PIK3C3: variants seen among roughly 807,000 people sequenced by gnomAD.
The protein encoded by PIK3C3 is phosphatidylinositol 3-kinase catalytic subunit type 3.
In PIK3C3, 95 loss-of-function variants were observed where a neutral mutation model predicts 126.1. The observed-to-expected ratio is 0.75, with a 90% CI of 0.64 to 0.89. PIK3C3 has a LOEUF of 0.89. Ranked by LOEUF, PIK3C3 falls within the 40% of genes least tolerant of loss-of-function variation. The pLI is 0.00. For missense variants in PIK3C3, 829 were observed against 1,063.2 expected, an observed-to-expected ratio of 0.78 and a Z score of 3.06; for synonymous variants, 374 against 360.0, an observed-to-expected ratio of 1.04 and a Z score of -0.44.
At chr18:42,021,360 G>A (rs1371634054) in intron 13 of PIK3C3, among the ~76,000 whole-genome samples, 4 of 152,162 alleles carry the variant, frequency 2.6e-5, no homozygotes, top group Non-Finnish European at 4.4e-5. Flanking sequence ...TTAATATGAA[G>A]CGTGGTGCCC....
intron 24 of PIK3C3, among the ~76,000 whole-genome samples, chr18:42,076,431 A>G (rs1387900794): frequency 1.3e-5 from 2 of 151,996 alleles, no homozygotes; most frequent in Admixed American, 6.6e-5. Context: ...AGTGTGATAT[A>G]TAAAGGAGTC....
chr18:42,065,518 A>G (rs1437071912), intron 23 of PIK3C3, among the ~76,000 whole-genome samples: 27 of 152,236 alleles, frequency 1.8e-4, no homozygotes, highest in Admixed American at 1.0e-3. Context: ...GAAGTCAGTA[A>G]ACTTAAAGAT....
At chr18:42,070,313 T>C (rs1255922583) in intron 24 of PIK3C3, among the ~76,000 whole-genome samples, 1 of 152,220 alleles carries the variant, frequency 6.6e-6, no homozygotes. Flanking sequence ...AGTAGCATTT[T>C]TGAAGATTTC....
chr18:42,058,731 C>G (rs1386487590), intron 22 of PIK3C3, among the ~76,000 whole-genome samples: 2 of 152,164 alleles, frequency 1.3e-5, no homozygotes, highest in Non-Finnish European at 2.9e-5. Flanking sequence ...GACTGACTAT[C>G]ATATGTCATC....
chr18:42,067,360 T>C, intron 23 of PIK3C3, 28 bp from the exon 24 acceptor site: 1 of 1,610,168 alleles, frequency 6.2e-7, no homozygotes. Flanking sequence ...TTTTCTTCGT[T>C]GTAAAGACTA....
chr18:42,038,838 A>C lies in PIK3C3; in HGVS notation c.2026A>C (p.Ser676Arg). The change falls in exon 18 of 25, where the codon AGT becomes CGT. Residue 676 changes from serine to arginine, a missense_variant. This residue lies in a region of PIK3C3 where 196 missense variants were observed against 312.8 expected (regional missense o/e 0.63). Transcript: ENST00000262039. ...KLTPYKVLAT[S>R]TKHGFMQFIQ... is the part of the protein sequence containing the mutation. Reference sequence around the variant, plus strand: ...GACACCTTATAAGGTGTTAGCCACCAGTACAAAACATGGTAAGTGTATTTT... The same window carrying C: ...GACACCTTATAAGGTGTTAGCCACCCGTACAAAACATGGTAAGTGTATTTT... 1 of 1,589,376 alleles carries C rather than the reference A, an allele frequency of 6.3e-7. No individual in the cohort carries two copies. Among genetic ancestry groups the C allele is most frequent in the Non-Finnish European group, 8.6e-7 (1 of 1,159,242 alleles).
At chr18:42,077,655 A>G (rs1053307095) in intron 24 of PIK3C3, among the ~76,000 whole-genome samples, 5 of 152,164 alleles carry the variant, frequency 3.3e-5, no homozygotes, top group East Asian at 1.9e-4. Context: ...CACATCTGCA[A>G]TTACTTCCTC....
chr18:42,011,857 T>C (rs1210069205), intron 10 of PIK3C3, among the ~76,000 whole-genome samples: 1 of 152,154 alleles, frequency 6.6e-6, no homozygotes, highest in Admixed American at 6.5e-5. Flanking sequence ...CATTGCAGTA[T>C]TACTGTGTCT....
chr18:42,004,971 T>C (rs1348263365), intron 10 of PIK3C3, among the ~76,000 whole-genome samples: 1 of 152,220 alleles, frequency 6.6e-6, no homozygotes, highest in Non-Finnish European at 1.5e-5. Flanking sequence ...TAGAGATGCA[T>C]GGTCATCTTC....
intron 4 of PIK3C3, among the ~76,000 whole-genome samples, chr18:41,975,597 T>G (rs1425480690): frequency 6.6e-6 from 1 of 152,172 alleles, no homozygotes; most frequent in African/African-American, 2.4e-5. Flanking sequence ...TTTGGAAATG[T>G]AAGTAGTCTT....
At chr18:42,051,552 ATC>A (rs1209653690) in intron 21 of PIK3C3, among the ~76,000 whole-genome samples, 1 of 152,132 alleles carries the variant, frequency 6.6e-6, no homozygotes, top group Non-Finnish European at 1.5e-5. Context: ...ATGAAAAATC[ATC>A]TGTTAGAACT....
At chr18:42,023,318 C>G (rs1293019838) in intron 13 of PIK3C3, among the ~76,000 whole-genome samples, 1 of 152,172 alleles carries the variant, frequency 6.6e-6, no homozygotes, top group Non-Finnish European at 1.5e-5. Flanking sequence ...TCTCTTATTT[C>G]AAGTAGGCAG....
intron 10 of PIK3C3, among the ~76,000 whole-genome samples, chr18:42,011,728 T>A (rs938576580): frequency 2.0e-5 from 3 of 151,982 alleles, no homozygotes; most frequent in Admixed American, 2.0e-4. Flanking sequence ...TATCTTGGCT[T>A]TTCCTGTGCC....
chr18:41,988,550 G>C (rs183126954), intron 5 of PIK3C3, among the ~76,000 whole-genome samples: 148 of 152,232 alleles, frequency 9.7e-4, no homozygotes, highest in African/African-American at 3.2e-3. Context: ...AATTAGGAGA[G>C]AAGGACATCA....
intron 13 of PIK3C3, chr18:42,025,609 C>T (rs753369587): frequency 2.6e-5 from 4 of 152,036 alleles, no homozygotes; most frequent in Admixed American, 6.6e-5. Flanking sequence ...TTAGTACCTT[C>T]GATAGAGGTA....
intron 6 of PIK3C3, among the ~76,000 whole-genome samples, chr18:41,991,847 A>G (rs911184994): frequency 6.6e-6 from 1 of 152,168 alleles, no homozygotes; most frequent in Non-Finnish European, 1.5e-5. Context: ...ATTTATTAGA[A>G]AAAATACATC....
At position 42,081,173 on chromosome 18, in the gene PIK3C3, A is replaced by G. The variant is rs749586810; in HGVS notation, c.*36A>G. On this transcript the variant is annotated 3_prime_UTR_variant, in exon 25 of 25. Transcript: ENST00000262039. ...GACCCATCAAGATGCTTGGCTCAAT[A>G]AGAAAACCACGTTAGGAGCAACCTT... 6.6e-7 allele frequency: 1 copy of G among 1,526,534 alleles called. No individual in the cohort carries two copies. The highest frequency in any genetic ancestry group is 9.0e-7 in the Non-Finnish European group (1 of 1,108,818). The allele number at this position is 1,526,534 out of a possible 1,614,324, so 94.6% of individuals were successfully genotyped here.
In PIK3C3 at chr18:42,038,706, T is replaced by C. The variant is rs1306331120; in HGVS notation, c.1969-75T>C. The C allele has an allele frequency of 6.9e-6, 6 of 865,710 alleles. No individual in the cohort carries two copies. The African/African-American group carries it at 1.0e-4, about 15-fold the overall frequency. 53.6% of individuals were successfully genotyped at this position (865,710 alleles called of 1,614,324 possible). On this transcript the variant is annotated intron_variant, in intron 17 of 24. Transcript: ENST00000262039. ...CTAAATCTTTATTACATTAAACTGC[T>C]ATACTATTTGCCCACAAAACTGTCT...
At chr18:42,052,067 T>C (rs1984831091) in intron 21 of PIK3C3, among the ~76,000 whole-genome samples, 1 of 152,056 alleles carries the variant, frequency 6.6e-6, no homozygotes, top group South Asian at 2.1e-4. Context: ...ATTCACAAGT[T>C]CTACTTGATT....
Sources: allele counts gnomAD v4.1 joint callset (sites outside exome capture counted in the v4.1 genomes callset), GRCh38; gene constraint gnomAD v4.1.1; regional missense constraint gnomAD v4.1.1; transcripts MANE v1.5; gene names NCBI Gene and HGNC (gene_info 2026-07-23, HGNC 2026-07-21).